The following FAP variants were observed in gnomAD, a reference collection of about 807,000 sequenced individuals.
FAP encodes prolyl endopeptidase FAP.
A neutral mutation model predicts 126.5 loss-of-function variants in FAP; 110 were observed. The ratio of observed to expected loss-of-function variants is 0.87; its 90% CI spans 0.74 to 1.02. The LOEUF (loss-of-function observed/expected upper bound fraction) is 1.02, where lower values mean the gene tolerates loss of function less well. FAP is among the 50% of genes least tolerant of loss of function. The probability of loss-of-function intolerance (pLI) is 0.00; values close to 1 mark genes in which losing one functional copy is unlikely to be tolerated. For synonymous variants in FAP, 334 were observed against 297.3 expected, an observed-to-expected ratio of 1.12 and a Z score of -1.27; for missense variants, 919 against 909.2, an observed-to-expected ratio of 1.01 and a Z score of -0.14.
At chr2:162,213,248 C>T (rs1195483058) in intron 11 of FAP, among the ~76,000 whole-genome samples, 1 of 151,738 alleles carries the variant, frequency 6.6e-6, no homozygotes, top group Non-Finnish European at 1.5e-5. Context: ...TAGTGGTGCA[C>T]ACCTGTAGTC....
Position 162,170,795 on chromosome 2 carries a change from A to G in FAP, c.*184T>C. The G allele has an allele frequency of 1.8e-6, 1 of 547,568 alleles. No individual in the cohort carries two copies. Among genetic ancestry groups the G allele is most frequent in the Non-Finnish European group, 3.2e-6 (1 of 308,184 alleles). The allele number at this position is 547,568 out of a possible 1,614,324, so 33.9% of individuals were successfully genotyped here. A position where few individuals can be genotyped will look rare whatever the true frequency, so the allele number is the denominator to read the frequency against. ...TTTCTCTTCTTTCACAGAGTACCAG[A>G]AAATGTAAACAATATTTAGCTTGAA... On this transcript the variant is annotated 3_prime_UTR_variant, in exon 26 of 26. Transcript: ENST00000188790.
intron 6 of FAP, among the ~76,000 whole-genome samples, chr2:162,222,217 A>G (rs1441994833): frequency 6.6e-6 from 1 of 152,218 alleles, no homozygotes; most frequent in Admixed American, 6.5e-5. Flanking sequence ...GAGAAACTGG[A>G]CTGAAAGACT....
At chr2:162,226,439 G>C in intron 3 of FAP, 84 bp downstream of exon 3, 1 of 623,448 alleles carries the variant, frequency 1.6e-6, no homozygotes, top group Non-Finnish European at 2.8e-6. Context: ...TACGGCTTCA[G>C]TTACTATAGA....
At chr2:162,176,238 A>C (rs1430628572) in intron 21 of FAP, 1 of 152,154 alleles carries the variant, frequency 6.6e-6, no homozygotes, top group African/African-American at 2.4e-5. Context: ...AATTCATGAA[A>C]TGCATGGAAT....
At chr2:162,184,726 C>T (rs541694506) in intron 20 of FAP, among the ~76,000 whole-genome samples, 1 of 151,966 alleles carries the variant, frequency 6.6e-6, no homozygotes, top group South Asian at 2.1e-4. Flanking sequence ...AATTCTTGCA[C>T]AAACTTCAAA....
intron 1 of FAP, 39 bp downstream of exon 1, chr2:162,243,283 C>A (rs2106312070): frequency 1.4e-6 from 2 of 1,479,906 alleles, no homozygotes; most frequent in South Asian, 2.3e-5. Flanking sequence ...TCCAGCCAAC[C>A]CTAATTTTTT....
intron 16 of FAP, among the ~76,000 whole-genome samples, chr2:162,196,482 A>G (rs1158076685): frequency 6.6e-6 from 1 of 151,682 alleles, no homozygotes; most frequent in Non-Finnish European, 1.5e-5. Flanking sequence ...TGGAATTTTC[A>G]TGAGTGTGTA....
At chr2:162,229,507 G>A (rs927547686) in intron 2 of FAP, among the ~76,000 whole-genome samples, 12 of 152,138 alleles carry the variant, frequency 7.9e-5, no homozygotes, top group East Asian at 5.8e-4. Context: ...TGAACATTTT[G>A]TCTATTGCCT....
intron 2 of FAP, among the ~76,000 whole-genome samples, chr2:162,242,653 G>C (rs1346543070): frequency 6.6e-6 from 1 of 152,062 alleles, no homozygotes. Flanking sequence ...GGGGTTGTGG[G>C]GGTGATGCAG....
rs80148368 is a variant in FAP, at chr2:162,183,635, A to G, written c.1815-167T>C. The G allele has an allele frequency of 4.7e-3, 2,680 of 570,854 alleles. 12 individuals carry two copies. Among genetic ancestry groups the G allele is most frequent in the Non-Finnish European group, 7.2e-3 (2,289 of 318,692 alleles). The allele number at this position is 570,854 out of a possible 1,614,324, so 35.4% of individuals were successfully genotyped here. A position where few individuals can be genotyped will look rare whatever the true frequency, so the allele number is the denominator to read the frequency against. On this transcript the variant is annotated intron_variant, in intron 20 of 25. Transcript: ENST00000188790. ...TACAAATAATTAAAATAATATTATC[A>G]TGTTTTCTGCAAAGAGATAAAAGGA...
intron 2 of FAP, among the ~76,000 whole-genome samples, chr2:162,240,445 C>A (rs1012814177): frequency 5.9e-5 from 9 of 152,150 alleles, no homozygotes; most frequent in Admixed American, 5.2e-4. Context: ...TAACACAAAT[C>A]CTTCTCTGGT....
intron 9 of FAP, among the ~76,000 whole-genome samples, chr2:162,216,251 A>G (rs1689156887): frequency 6.6e-6 from 1 of 152,214 alleles, no homozygotes; most frequent in Non-Finnish European, 1.5e-5. Flanking sequence ...TAAAATTTAT[A>G]GGGAAAATCA....
chr2:162,214,241 CTACT>C (rs1265235897), intron 10 of FAP, among the ~76,000 whole-genome samples, 168 bp from the exon 11 acceptor site: 2 of 152,206 alleles, frequency 1.3e-5, no homozygotes, highest in African/African-American at 4.8e-5. Flanking sequence ...TTAAATATCT[CTACT>C]TACTTAAAAA....
At chr2:162,201,536 A>G (rs1688497296) in intron 14 of FAP, among the ~76,000 whole-genome samples, 1 of 152,104 alleles carries the variant, frequency 6.6e-6, no homozygotes, top group Admixed American at 6.6e-5. Flanking sequence ...TTTCCCCAAC[A>G]GCCCCCGGCC....
At chr2:162,225,349 G>C (rs1475091998) in intron 4 of FAP, 134 bp downstream of exon 4, 7 of 1,102,656 alleles carry the variant, frequency 6.3e-6, no homozygotes, top group African/African-American at 1.6e-5. Flanking sequence ...GACAGAACGG[G>C]AAGACTCTAG....
intron 4 of FAP, 141 bp downstream of exon 4, chr2:162,225,342 A>G (rs1689592573): frequency 9.9e-7 from 1 of 1,005,962 alleles, no homozygotes; most frequent in Non-Finnish European, 1.4e-6. Context: ...ACTAGCAGAC[A>G]GAACGGGAAG....
intron 12 of FAP, 55 bp from the exon 13 acceptor site, chr2:162,203,200 G>C: frequency 8.1e-7 from 1 of 1,235,024 alleles, no homozygotes; most frequent in African/African-American, 1.5e-5. Context: ...TAAAACCATA[G>C]ATTTTGTTTT....
intron 2 of FAP, among the ~76,000 whole-genome samples, chr2:162,240,756 A>G (rs948378362): frequency 1.3e-5 from 2 of 152,206 alleles, no homozygotes; most frequent in African/African-American, 4.8e-5. Flanking sequence ...AATGTGAGAA[A>G]GAGGCTAAGT....
intron 9 of FAP, among the ~76,000 whole-genome samples, chr2:162,216,529 G>A (rs1380683516): frequency 6.6e-6 from 1 of 152,072 alleles, no homozygotes; most frequent in Non-Finnish European, 1.5e-5. Context: ...AAAGGTTAGG[G>A]AAATTTCACC....
Sources: gnomAD v4.1 joint callset for allele counts (sites outside exome capture counted in the v4.1 genomes callset) on GRCh38, gnomAD v4.1.1 for gene constraint, MANE v1.5 for transcripts, NCBI Gene and HGNC (gene_info 2026-07-23, HGNC 2026-07-21) for gene names.